Variants in CHSY3 observed in about 807,000 individuals in gnomAD.
CHSY3 encodes chondroitin sulfate synthase 3, also known as N-acetylgalactosaminyl-proteoglycan 3-beta-glucuronosyltransferase 3.
A neutral mutation model predicts 67.2 loss-of-function variants in CHSY3; 35 were observed. The ratio of observed to expected loss-of-function variants is 0.52; its 90% CI spans 0.40 to 0.69. The LOEUF is 0.69. Among genes scored for constraint, CHSY3 ranks in the 30% least tolerant of loss-of-function variants. The pLI is 0.00. For synonymous variants in CHSY3, 474 were observed against 434.7 expected (o/e 1.09, Z -1.12); for missense variants, 1,069 against 1,138.5 (o/e 0.94, Z 0.88).
rs114888614 is a variant in CHSY3, at chr5:130,074,648, G to A, written c.1087-109581G>A. Among the ~76,000 whole-genome samples the A allele has an allele frequency of 9.5e-3, 1,444 of 152,178 alleles. 20 individuals carry two copies. The highest frequency in any genetic ancestry group is 0.033 in the African/African-American group (1,355 of 41,528). The stretch of plus-strand genomic sequence containing the variant: ...CTTTTATTCATTGGTTCTGAAAATA[G>A]GGGACAGTTTTCTACACAAAATGCT... On this transcript the variant is annotated intron_variant, in intron 2 of 2. Coordinates refer to ENST00000305031, the MANE Select transcript of CHSY3 (RefSeq NM_175856.5).
intron 2 of CHSY3, among the ~76,000 whole-genome samples, chr5:130,164,999 G>A (rs1769698752): frequency 6.6e-6 from 1 of 152,158 alleles, no homozygotes; most frequent in Non-Finnish European, 1.5e-5. Flanking sequence ...AAAGAAGCCA[G>A]TATTGGTGGA....
chr5:130,164,305 G>T (rs1378380559), intron 2 of CHSY3, among the ~76,000 whole-genome samples: 1 of 152,090 alleles, frequency 6.6e-6, no homozygotes, highest in Non-Finnish European at 1.5e-5. Flanking sequence ...GGATAATTAG[G>T]GAGCAGTTGT....
intron 2 of CHSY3, among the ~76,000 whole-genome samples, chr5:130,135,913 T>C (rs565468596): frequency 6.6e-6 from 1 of 152,328 alleles, no homozygotes; most frequent in African/African-American, 2.4e-5. Context: ...TAAACCAAAA[T>C]TAAGAATGTT....
intron 2 of CHSY3, among the ~76,000 whole-genome samples, chr5:130,171,929 A>T (rs1327511828): frequency 2.0e-5 from 3 of 152,034 alleles, no homozygotes; most frequent in Non-Finnish European, 4.4e-5. Context: ...ACTGGAAAAA[A>T]GAAGAAACTA....
intron 2 of CHSY3, among the ~76,000 whole-genome samples, chr5:130,028,185 CA>C (rs1561503989): frequency 6.6e-6 from 1 of 152,060 alleles, no homozygotes; most frequent in African/African-American, 2.4e-5. Flanking sequence ...CATATGGAAC[CA>C]AAAAAGAGCC....
chr5:129,932,082 AT>A (rs1245327711), intron 2 of CHSY3, among the ~76,000 whole-genome samples: 1 of 147,898 alleles, frequency 6.8e-6, no homozygotes, highest in Non-Finnish European at 1.5e-5. Context: ...ATAAAACCAT[AT>A]GTAATGTAAA....
intron 2 of CHSY3, among the ~76,000 whole-genome samples, chr5:129,990,876 A>T (rs1763343533): frequency 1.3e-5 from 2 of 152,148 alleles, no homozygotes; most frequent in African/African-American, 4.8e-5. Flanking sequence ...GGTTGACAAA[A>T]GTACCATAGA....
At chr5:129,915,203 T>A (rs1760694117) in intron 2 of CHSY3, among the ~76,000 whole-genome samples, 1 of 152,168 alleles carries the variant, frequency 6.6e-6, no homozygotes, top group Admixed American at 6.5e-5. Flanking sequence ...TTAAAAAAAT[T>A]CATTGAAATT....
intron 2 of CHSY3, among the ~76,000 whole-genome samples, chr5:130,183,960 A>G (rs1277250878): frequency 1.3e-5 from 2 of 151,876 alleles, no homozygotes; most frequent in Non-Finnish European, 1.5e-5. Context: ...AGATTTACTC[A>G]TCCCACTATA....
At chr5:130,039,126 C>G (rs1438846186) in intron 2 of CHSY3, among the ~76,000 whole-genome samples, 1 of 152,030 alleles carries the variant, frequency 6.6e-6, no homozygotes, top group East Asian at 1.9e-4. Flanking sequence ...TCACACAGAA[C>G]AGGGAGTTCA....
intron 2 of CHSY3, among the ~76,000 whole-genome samples, chr5:130,089,022 C>T (rs1365632018): frequency 1.3e-5 from 2 of 151,934 alleles, no homozygotes; most frequent in African/African-American, 4.8e-5. Context: ...CACATATACA[C>T]CATGGAATAC....
At chr5:129,916,484 A>T (rs1426227904) in intron 2 of CHSY3, among the ~76,000 whole-genome samples, 1 of 152,196 alleles carries the variant, frequency 6.6e-6, no homozygotes, top group Non-Finnish European at 1.5e-5. Flanking sequence ...TTTAATTTTA[A>T]GGTAAAACTT....
chr5:130,050,684 G>C (rs1765315558), intron 2 of CHSY3, among the ~76,000 whole-genome samples: 1 of 152,040 alleles, frequency 6.6e-6, no homozygotes, highest in Admixed American at 6.6e-5. Context: ...TTCTAGATAA[G>C]AACCTGTCTT....
At chr5:129,942,079 G>A (rs1489664821) in intron 2 of CHSY3, among the ~76,000 whole-genome samples, 1 of 152,132 alleles carries the variant, frequency 6.6e-6, no homozygotes, top group Non-Finnish European at 1.5e-5. Flanking sequence ...TTCCCCCAGG[G>A]TATAGGGCAG....
At chr5:129,918,681 T>C (rs548593485) in intron 2 of CHSY3, among the ~76,000 whole-genome samples, 3 of 152,160 alleles carry the variant, frequency 2.0e-5, no homozygotes, top group Non-Finnish European at 2.9e-5. Flanking sequence ...ATAATGTGTT[T>C]GGTTCCAGCA....
In CHSY3 at chr5:129,982,401, C is replaced by T. The variant is rs564066654; in HGVS notation, c.1086+74041C>T. Among the ~76,000 whole-genome samples, 19 of 152,024 alleles carry T rather than the reference C, an allele frequency of 1.2e-4. No individual in the cohort carries two copies. The South Asian group carries it at 1.5e-3, about 12-fold the overall frequency. ...ATAGGAGAAACAAAAAATTCATTTC[C>T]GTTATCCATCTATTCCATGTAAATT... is the stretch of plus-strand genomic sequence containing the variant. On this transcript the variant is annotated intron_variant, in intron 2 of 2. Coordinates refer to ENST00000305031, the MANE Select transcript of CHSY3 (RefSeq NM_175856.5).
At chr5:130,088,285 T>C (rs1766736409) in intron 2 of CHSY3, among the ~76,000 whole-genome samples, 2 of 151,256 alleles carry the variant, frequency 1.3e-5, no homozygotes, top group South Asian at 4.2e-4. Context: ...ACCTAGGCAT[T>C]ACCATTCAGG....
chr5:129,981,633 C>T (rs1762988426), intron 2 of CHSY3, among the ~76,000 whole-genome samples: 1 of 152,124 alleles, frequency 6.6e-6, no homozygotes, highest in African/African-American at 2.4e-5. Context: ...ATCCTCCCAC[C>T]TCAGCCTCCT....
At chr5:129,948,850 A>AT (rs1207702166) in intron 2 of CHSY3, among the ~76,000 whole-genome samples, 1 of 151,844 alleles carries the variant, frequency 6.6e-6, no homozygotes, top group Non-Finnish European at 1.5e-5. Context: ...AACATCTATT[A>AT]TTTTTTTATT....
Sources: gnomAD v4.1 joint callset for allele counts (sites outside exome capture counted in the v4.1 genomes callset) on GRCh38, gnomAD v4.1.1 for gene constraint, MANE v1.5 for transcripts, NCBI Gene and HGNC (gene_info 2026-07-23, HGNC 2026-07-21) for gene names.